RBBP8: variants seen among roughly 807,000 people sequenced by gnomAD.
The protein encoded by RBBP8 is DNA endonuclease RBBP8.
RBBP8 carries 88 observed loss-of-function variants against 108.3 expected under a neutral mutation model. That is an observed-to-expected ratio of 0.81 (90% CI 0.68 to 0.97). The LOEUF (loss-of-function observed/expected upper bound fraction) is 0.97, where lower values mean the gene tolerates loss of function less well. RBBP8 is among the 50% of genes least tolerant of loss of function. RBBP8 has a pLI of 0.00. For synonymous variants in RBBP8, 332 were observed against 348.2 expected (o/e 0.95, Z 0.52); for missense variants, 1,023 against 1,049.0 (o/e 0.98, Z 0.34).
chr18:22,922,694 G>A (rs913016684), intron 3 of RBBP8, among the ~76,000 whole-genome samples: 1 of 152,022 alleles, frequency 6.6e-6, no homozygotes, highest in Admixed American at 6.6e-5. Flanking sequence ...CAAACTCCTG[G>A]GCTCAAGCAA....
chr18:22,933,084 G>T (rs188729617), upstream of RBBP8, among the ~76,000 whole-genome samples: 167 of 152,354 alleles, frequency 1.1e-3, no homozygotes, highest in African/African-American at 3.8e-3. Flanking sequence ...AACTTTCACA[G>T]AACCGCAAGG....
chr18:22,990,451 A>G (rs889894531), intron 9 of RBBP8, among the ~76,000 whole-genome samples: 1 of 152,236 alleles, frequency 6.6e-6, no homozygotes, highest in Non-Finnish European at 1.5e-5. Flanking sequence ...GGAGTTTTAT[A>G]TACAAGGAGT....
intron 15 of RBBP8, among the ~76,000 whole-genome samples, chr18:23,006,116 G>A (rs939048860): frequency 7.9e-5 from 12 of 151,866 alleles, no homozygotes; most frequent in Non-Finnish European, 7.4e-5. Flanking sequence ...AACCCGGGAG[G>A]TGGAGCTTGC....
Position 22,949,627 on chromosome 18 carries a change from A to G in RBBP8, c.162A>G (p.Gln54=). The change falls in exon 4 of 19, where the codon CAA becomes CAG. Residue 54 remains glutamine (Q), a synonymous_variant. Coordinates refer to ENST00000327155, the MANE Select transcript of RBBP8 (RefSeq NM_002894.3). ...ATTTTTTGACCTTTAGAGATGCACA[A>G]AGACTAGAAGAATTCTTCACCAAAA... ...KLKQERILDA[Q]RLEEFFTKNQ... 1 of 1,610,670 alleles carries G rather than the reference A, an allele frequency of 6.2e-7. No homozygotes were observed.
At chr18:22,980,719 T>G (rs1403404021) in intron 6 of RBBP8, among the ~76,000 whole-genome samples, 1 of 150,752 alleles carries the variant, frequency 6.6e-6, no homozygotes, top group East Asian at 1.9e-4. Flanking sequence ...TTGGGGTTTT[T>G]TTTTTTTTTT....
intron 5 of RBBP8, among the ~76,000 whole-genome samples, chr18:22,974,111 A>ACCTT (rs1223824763): frequency 6.6e-6 from 1 of 152,210 alleles, no homozygotes; most frequent in Non-Finnish European, 1.5e-5. Context: ...AGTACAATTA[A>ACCTT]CCTTCTTTGG....
chr18:22,926,945 T>C (rs576624679), intron 3 of RBBP8, among the ~76,000 whole-genome samples: 113 of 152,330 alleles, frequency 7.4e-4, no homozygotes, highest in African/African-American at 2.7e-3. Flanking sequence ...CTTGGCACCA[T>C]CAACTCAAAT....
At position 23,001,623 on chromosome 18, in the gene RBBP8, G is replaced by A; in HGVS notation, c.2181G>A (p.Met727Ile). ...ERKMNDSLED[M>I]FDRTTHEEYE... Reference sequence around the variant, plus strand: ...AAATGAATGATAGCTTGGAAGATATGTTTGATCGGACAACACATGAAGAGT... The same window carrying A: ...AAATGAATGATAGCTTGGAAGATATATTTGATCGGACAACACATGAAGAGT... Residue 727 changes from methionine to isoleucine, a missense_variant, in exon 15 of 19, where the codon ATG (methionine) becomes ATA (isoleucine). Physicochemically the swap from Met to Ile is conservative, Grantham distance 10. Transcript: ENST00000327155. 6.2e-7 allele frequency: 1 copy of A among 1,614,102 alleles called. No homozygotes were observed. The highest frequency in any genetic ancestry group is 8.5e-7 in the Non-Finnish European group (1 of 1,179,998).
At chr18:22,944,935 A>G (rs1911423560) in intron 2 of RBBP8, among the ~76,000 whole-genome samples, 1 of 152,338 alleles carries the variant, frequency 6.6e-6, no homozygotes, top group African/African-American at 2.4e-5. Flanking sequence ...ATGTTGTCCA[A>G]AAGATTGTAT....
chr18:23,003,874 C>T (rs928687070), intron 15 of RBBP8, among the ~76,000 whole-genome samples: 11 of 151,672 alleles, frequency 7.3e-5, no homozygotes, highest in African/African-American at 2.2e-4. Context: ...CTGGCTAACA[C>T]GCTGAAACCC....
At chr18:22,916,637 A>AT (rs565088404) in intron 2 of RBBP8, among the ~76,000 whole-genome samples, 97 of 152,204 alleles carry the variant, frequency 6.4e-4, no homozygotes, top group African/African-American at 2.1e-3. Flanking sequence ...TGCCCCAAAC[A>AT]TTTTTGGGAC....
chr18:22,997,289 T>C (rs1290310934), intron 13 of RBBP8, among the ~76,000 whole-genome samples: 3 of 152,174 alleles, frequency 2.0e-5, no homozygotes, highest in Admixed American at 6.6e-5. Context: ...TTTGAAAGTG[T>C]TCTTAGTGTA....
chr18:22,996,501 A>T (rs2045861525), intron 13 of RBBP8, 39 bp downstream of exon 13: 2 of 1,606,528 alleles, frequency 1.2e-6, no homozygotes, highest in Admixed American at 3.4e-5. Flanking sequence ...TTTGACTTTT[A>T]TTCCAATGAG....
chr18:22,997,675 T>G lies in RBBP8; in HGVS notation c.2084T>G (p.Val695Gly). Residue 695 changes from valine (V) to glycine (G), a missense_variant, in exon 14 of 19, where the codon GTT becomes GGT. Coordinates refer to ENST00000327155, the MANE Select transcript of RBBP8 (RefSeq NM_002894.3). ...GETVDMDCTL[V>G]SETVLLKMKK... ...ACAGTGGACATGGACTGTACATTGG[T>G]TAGTGAAACCGTTCTCTTAAAAATG... 6.2e-7 allele frequency: 1 copy of G among 1,610,928 alleles called. No homozygotes were observed. Among genetic ancestry groups the G allele is most frequent in the Non-Finnish European group, 8.5e-7 (1 of 1,178,090 alleles).
chr18:22,967,949 T>A (rs1913759973), intron 4 of RBBP8, among the ~76,000 whole-genome samples: 1 of 152,142 alleles, frequency 6.6e-6, no homozygotes, highest in Admixed American at 6.6e-5. Flanking sequence ...GCCCAGCCTG[T>A]AATTTTTTTT....
chr18:22,985,945 T>G (rs557933287), intron 8 of RBBP8, among the ~76,000 whole-genome samples: 1 of 152,226 alleles, frequency 6.6e-6, no homozygotes, highest in South Asian at 2.1e-4. Context: ...TTTTCAACTT[T>G]TCTTTTGTTG....
At chr18:22,946,602 T>A in intron 3 of RBBP8, 116 bp downstream of exon 3, 1 of 1,457,198 alleles carries the variant, frequency 6.9e-7, no homozygotes, top group Non-Finnish European at 9.2e-7. Context: ...AATGTCTTAT[T>A]TATAAAAAAA....
chr18:22,921,200 T>C (rs1479212409), intron 3 of RBBP8, among the ~76,000 whole-genome samples: 1 of 152,030 alleles, frequency 6.6e-6, no homozygotes, highest in East Asian at 1.9e-4. Flanking sequence ...AAGGGATTAG[T>C]GAAAGGAAGG....
chr18:22,916,323 T>C (rs531948703), intron 2 of RBBP8, among the ~76,000 whole-genome samples: 2 of 152,216 alleles, frequency 1.3e-5, no homozygotes, highest in East Asian at 1.9e-4. Flanking sequence ...TGTCATTTTT[T>C]ACCTAAGAGG....
Sources: allele counts gnomAD v4.1 joint callset (sites outside exome capture counted in the v4.1 genomes callset), GRCh38; gene constraint gnomAD v4.1.1; transcripts MANE v1.5; gene names NCBI Gene and HGNC (gene_info 2026-07-23, HGNC 2026-07-21).